WDPCP: variants seen among roughly 807,000 people sequenced by gnomAD.
WDPCP encodes the protein WD repeat containing planar cell polarity effector.
Under a neutral mutation model 93.1 loss-of-function variants are expected in WDPCP, and 71 were observed. That is an observed-to-expected ratio of 0.76 (90% CI 0.63 to 0.93). WDPCP has a LOEUF of 0.93. Ranked by LOEUF, WDPCP falls within the 40% of genes least tolerant of loss-of-function variation. The pLI, the probability that WDPCP is intolerant of heterozygous loss-of-function variation, is 0.00. For missense variants in WDPCP, 844 were observed against 887.4 expected, an observed-to-expected ratio of 0.95 and a Z score of 0.62; for synonymous variants, 315 against 315.0, an observed-to-expected ratio of 1.00 and a Z score of 0.00.
intron 2 of WDPCP, among the ~76,000 whole-genome samples, chr2:63,658,886 T>G (rs1256725338): frequency 2.0e-5 from 3 of 152,226 alleles, no homozygotes; most frequent in Non-Finnish European, 4.4e-5. Flanking sequence ...AACTTGACCT[T>G]GAATCCTAAC....
At chr2:63,207,692 A>G (rs780747164) in intron 14 of WDPCP, among the ~76,000 whole-genome samples, 4 of 152,138 alleles carry the variant, frequency 2.6e-5, no homozygotes, top group Non-Finnish European at 4.4e-5. Context: ...ATTTCATTAG[A>G]ATATGTCTTG....
chr2:63,659,805 C>T (rs1558877770), intron 2 of WDPCP, among the ~76,000 whole-genome samples: 1 of 152,190 alleles, frequency 6.6e-6, no homozygotes, highest in Non-Finnish European at 1.5e-5. Context: ...TAATGGCCAC[C>T]TCCATCCTTA....
At chr2:63,168,147 C>G (rs886552627) in intron 15 of WDPCP, among the ~76,000 whole-genome samples, 2 of 143,692 alleles carry the variant, frequency 1.4e-5, no homozygotes, top group African/African-American at 2.5e-5. Context: ...AAGTTAAAAT[C>G]TCCTATTATT....
intron 1 of WDPCP, chr2:63,813,732 A>T (rs1670891193): frequency 6.6e-6 from 1 of 152,250 alleles, no homozygotes; most frequent in African/African-American, 2.4e-5. Flanking sequence ...GGAATATAAC[A>T]GGTACTCGAT....
At chr2:63,666,302 TG>T (rs1472112785) in intron 2 of WDPCP, among the ~76,000 whole-genome samples, 1 of 152,194 alleles carries the variant, frequency 6.6e-6, no homozygotes, top group Non-Finnish European at 1.5e-5. Context: ...AAATAGTTTT[TG>T]AGCTCTACTG....
At chr2:63,458,162 G>T (rs1410592242) in intron 6 of WDPCP, among the ~76,000 whole-genome samples, 2 of 141,906 alleles carry the variant, frequency 1.4e-5, no homozygotes, top group African/African-American at 5.2e-5. Context: ...AATAAGACAA[G>T]AATGCCCACT....
chr2:63,509,678 C>A (rs1368740173), intron 1 of WDPCP, among the ~76,000 whole-genome samples: 1 of 151,826 alleles, frequency 6.6e-6, no homozygotes, highest in Non-Finnish European at 1.5e-5. Flanking sequence ...ATAGATAGAC[C>A]ACTAGCCAGA....
chr2:63,466,879 C>G (rs1462600206), intron 6 of WDPCP, among the ~76,000 whole-genome samples: 1 of 152,026 alleles, frequency 6.6e-6, no homozygotes, highest in Non-Finnish European at 1.5e-5. Context: ...TGAATGCCAA[C>G]AGTGGAGCCA....
chr2:63,535,273 A>T (rs1704186717), intron 1 of WDPCP, among the ~76,000 whole-genome samples: 2 of 152,230 alleles, frequency 1.3e-5, no homozygotes, highest in Admixed American at 1.3e-4. Context: ...TATCGTGAAG[A>T]TGGCCATACT....
intron 9 of WDPCP, among the ~76,000 whole-genome samples, chr2:63,430,513 A>AT (rs759091130): frequency 1.5e-4 from 23 of 152,200 alleles, no homozygotes; most frequent in Non-Finnish European, 2.8e-4. Context: ...TTTTTTCTGT[A>AT]CTATTTACTG....
At chr2:63,571,283 T>A (rs1707479337) in intron 1 of WDPCP, 1 of 429,462 alleles carries the variant, frequency 2.3e-6, no homozygotes, top group Non-Finnish European at 4.6e-6. Context: ...TATATTTACA[T>A]ATGCCACAAA....
At chr2:63,598,810 C>T (rs1022693048) in intron 3 of WDPCP, among the ~76,000 whole-genome samples, 1 of 150,718 alleles carries the variant, frequency 6.6e-6, no homozygotes. Context: ...TTCTTCAAAG[C>T]GTCCTTGTTC....
At chr2:63,506,424 C>T (rs1427057492) in intron 1 of WDPCP, among the ~76,000 whole-genome samples, 1 of 149,108 alleles carries the variant, frequency 6.7e-6, no homozygotes, top group East Asian at 2.0e-4. Context: ...CAAACTCTCA[C>T]AAAAATGATA....
At chr2:63,449,595 C>T (rs578256170) in intron 6 of WDPCP, among the ~76,000 whole-genome samples, 2 of 152,120 alleles carry the variant, frequency 1.3e-5, no homozygotes, top group African/African-American at 2.4e-5. Flanking sequence ...CGGTCCACAT[C>T]CCCACTATGG....
intron 2 of WDPCP, among the ~76,000 whole-genome samples, chr2:63,743,129 G>C (rs967899095): frequency 3.3e-5 from 5 of 152,050 alleles, no homozygotes; most frequent in Admixed American, 3.3e-4. Context: ...TTTGAATCCA[G>C]ATCTGTCCCA....
At chr2:63,320,963 T>G (rs1262463412) in intron 12 of WDPCP, among the ~76,000 whole-genome samples, 1 of 151,978 alleles carries the variant, frequency 6.6e-6, no homozygotes, top group Non-Finnish European at 1.5e-5. Flanking sequence ...ACACAGATAG[T>G]TTGAAAGTAC....
chr2:63,354,339 G>A (rs1210221700), intron 12 of WDPCP, among the ~76,000 whole-genome samples: 1 of 152,166 alleles, frequency 6.6e-6, no homozygotes, highest in Non-Finnish European at 1.5e-5. Flanking sequence ...TAACCACTAT[G>A]AGGTCCCTTC....
At chr2:63,499,152 G>A (rs1224435980) in intron 1 of WDPCP, among the ~76,000 whole-genome samples, 1 of 152,192 alleles carries the variant, frequency 6.6e-6, no homozygotes, top group African/African-American at 2.4e-5. Context: ...AATACGAAGT[G>A]TGTAGTAAGT....
chr2:63,759,959 A>G (rs1429038352), intron 2 of WDPCP, among the ~76,000 whole-genome samples: 1 of 152,148 alleles, frequency 6.6e-6, no homozygotes, highest in African/African-American at 2.4e-5. Flanking sequence ...CCAGGGGGTG[A>G]TGGGTGATAG....
Sources: gnomAD v4.1 joint callset for allele counts (sites outside exome capture counted in the v4.1 genomes callset) on GRCh38, gnomAD v4.1.1 for gene constraint, MANE v1.5 for transcripts, NCBI Gene and HGNC (gene_info 2026-07-23, HGNC 2026-07-21) for gene names.